Variants in STAT3 observed in about 807,000 individuals in gnomAD.
The protein encoded by STAT3 is signal transducer and activator of transcription 3.
A neutral mutation model predicts 114.3 loss-of-function variants in STAT3; 7 were observed. The ratio of observed to expected loss-of-function variants is 0.06; its 90% confidence interval spans 0.03 to 0.11. The LOEUF (loss-of-function observed/expected upper bound fraction) is 0.11, where lower values mean the gene tolerates loss of function less well. STAT3 is among the 10% of genes least tolerant of loss of function. The probability of loss-of-function intolerance (pLI) is 1.00; values close to 1 mark genes in which losing one functional copy is unlikely to be tolerated. For missense variants in STAT3, 364 were observed against 960.9 expected (o/e 0.38, Z 8.21); for synonymous variants, 331 against 354.5 (o/e 0.93, Z 0.74).
At chr17:42,384,681 A>T (rs1188857937) in intron 1 of STAT3, among the ~76,000 whole-genome samples, 1 of 151,706 alleles carries the variant, frequency 6.6e-6, no homozygotes, top group Non-Finnish European at 1.5e-5. Flanking sequence ...TAGTCTCACC[A>T]GTAGCTGGGA....
intron 1 of STAT3, among the ~76,000 whole-genome samples, chr17:42,365,898 C>T (rs1365288907): frequency 6.6e-6 from 1 of 152,066 alleles, no homozygotes; most frequent in African/African-American, 2.4e-5. Context: ...TTTTGATCTG[C>T]CCACCCCAGC....
rs190710939 is a variant in STAT3, at chr17:42,314,248, C to T, written c.*1497G>A. 33 of 233,064 alleles carry T rather than the reference C, an allele frequency of 1.4e-4. No homozygotes were observed. Among genetic ancestry groups the T allele is most frequent in the East Asian group, 1.4e-3 (23 of 16,584 alleles). 14.4% of individuals were successfully genotyped at this position (233,064 alleles called of 1,614,324 possible). A position where few individuals can be genotyped will look rare whatever the true frequency, so the allele number is the denominator to read the frequency against. Reference sequence around the variant, plus strand: ...TTGCCCTGCATGAACTGAATGAAGACGCCATTACAAGTGCCACTGGATATC... The same window carrying T: ...TTGCCCTGCATGAACTGAATGAAGATGCCATTACAAGTGCCACTGGATATC... On this transcript the variant is annotated 3_prime_UTR_variant, in exon 24 of 24. Transcript: ENST00000264657.
At chr17:42,322,647 G>A (rs919377423) in intron 20 of STAT3, among the ~76,000 whole-genome samples, 153 bp from the exon 21 acceptor site, 5 of 152,192 alleles carry the variant, frequency 3.3e-5, no homozygotes, top group African/African-American at 1.2e-4. Flanking sequence ...TGGCACTGTG[G>A]AAATATTCAG....
chr17:42,346,512 C>T (rs2082706791), intron 3 of STAT3, 57 bp downstream of exon 3: 6 of 1,611,968 alleles, frequency 3.7e-6, no homozygotes, highest in South Asian at 3.3e-5. Flanking sequence ...CAGGAAAGAA[C>T]ACTAACACCC....
chr17:42,317,307 A>G (rs2081292438), intron 21 of STAT3, 83 bp from the exon 22 acceptor site: 9 of 1,505,856 alleles, frequency 6.0e-6, no homozygotes, highest in South Asian at 3.5e-5. Context: ...CTGCCTCGGC[A>G]GGACTGATTT....
At chr17:42,354,227 T>C (rs1462362287) in intron 1 of STAT3, among the ~76,000 whole-genome samples, 6 of 144,604 alleles carry the variant, frequency 4.1e-5, no homozygotes, top group Admixed American at 3.5e-4. Context: ...TGGTGTGCAG[T>C]GGGGCGATCT....
At chr17:42,359,791 T>C (rs528465260) in intron 1 of STAT3, among the ~76,000 whole-genome samples, 2 of 152,256 alleles carry the variant, frequency 1.3e-5, no homozygotes, top group South Asian at 2.1e-4. Context: ...CCGGGTGCGG[T>C]GGCTCACGCC....
At chr17:42,331,556 GA>G (rs1304647193) in intron 10 of STAT3, 25 bp from the exon 11 acceptor site, 3 of 1,598,562 alleles carry the variant, frequency 1.9e-6, no homozygotes, top group Non-Finnish European at 2.6e-6. Context: ...AAAATCCAAG[GA>G]AAAAAAGTCA....
Position 42,326,209 on chromosome 17 carries a change from C to G in STAT3, c.1282-10G>C, listed in dbSNP as rs547178731. On this transcript the variant is annotated splice_polypyrimidine_tract_variant and intron_variant, in intron 14 of 23. Transcript: ENST00000264657. ...TCACAATCAGGGAAGCCTACAGTAA[C>G]GAGAAGGACACTCTTAGGCCAGGTG... is the stretch of plus-strand genomic sequence containing the variant. The G allele has an allele frequency of 6.2e-7, 1 of 1,613,180 alleles. No individual in the cohort carries two copies. Among genetic ancestry groups the G allele is most frequent in the East Asian group, 2.2e-5 (1 of 44,832 alleles).
At position 42,375,009 on chromosome 17, in the gene STAT3, G is replaced by A. The variant is rs566601549; in HGVS notation, c.-24+13270C>T. Among the ~76,000 whole-genome samples, 25 of 152,272 alleles carry A rather than the reference G, an allele frequency of 1.6e-4. No individual in the cohort carries two copies. In the South Asian group the frequency reaches 3.9e-3, roughly 24 times the overall value. On this transcript the variant is annotated intron_variant, in intron 1 of 23. Coordinates refer to ENST00000264657, the MANE Select transcript of STAT3 (RefSeq NM_139276.3). ...AAGTCAACACTTTTAAAACTTAAAG[G>A]CTATTCTTTACCAGAATCGTCTGTA...
rs113994137 is a variant in STAT3, at chr17:42,329,423, C to T, written c.1268G>A (p.Arg423Gln). The change falls in exon 14 of 24, where the codon CGA (arginine) becomes CAA (glutamine). Residue 423 changes from arginine to glutamine, a missense_variant. Around this residue, in one of 5 missense-constraint regions of STAT3, gnomAD observed 294 missense variants for 745.1 expected, o/e 0.39. Transcript: ENST00000264657. ...AACAAAACTTACATCACAATTGGCTCGGCCCCCATTCCCACATCTCTGCTC... is the reference window on the plus strand; with the variant it reads ...AACAAAACTTACATCACAATTGGCTTGGCCCCCATTCCCACATCTCTGCTC... ...LREQRCGNGGRANCDASLIVT... is the reference protein window; with the variant it reads ...LREQRCGNGGQANCDASLIVT... 1 of 1,613,978 alleles carries T rather than the reference C, an allele frequency of 6.2e-7. No individual in the cohort carries two copies. The highest frequency in any genetic ancestry group is 1.3e-5 in the African/African-American group (1 of 74,942).
chr17:42,367,496 T>C (rs2083870151), intron 1 of STAT3, among the ~76,000 whole-genome samples: 1 of 152,166 alleles, frequency 6.6e-6, no homozygotes, highest in Non-Finnish European at 1.5e-5. Flanking sequence ...TGCTCACAGC[T>C]GTCCCCTCTC....
At position 42,316,031 on chromosome 17, in the gene STAT3, T is replaced by A. The variant is rs143028761; in HGVS notation, c.2258-231A>T. 9,482 of 1,422,590 alleles carry A rather than the reference T, an allele frequency of 6.7e-3. 42 individuals are homozygous for A. The highest frequency in any genetic ancestry group is 8.0e-3 in the Non-Finnish European group (8,734 of 1,092,032). 88.1% of individuals were successfully genotyped at this position (1,422,590 alleles called of 1,614,324 possible). On this transcript the variant is annotated intron_variant, in intron 23 of 23. Coordinates refer to ENST00000264657, the MANE Select transcript of STAT3 (RefSeq NM_139276.3). Reference sequence around the variant, plus strand: ...CTTAACTGATTCCCAGAGCTCCATGTTTACAGAAGCTCTAAGGCTGTCCTG... The same window carrying A: ...CTTAACTGATTCCCAGAGCTCCATGATTACAGAAGCTCTAAGGCTGTCCTG...
chr17:42,316,129 T>C (rs978996255), intron 23 of STAT3: 10 of 1,280,990 alleles, frequency 7.8e-6, no homozygotes, highest in Non-Finnish European at 1.0e-5. Flanking sequence ...CATTTGAGAT[T>C]TGGTTTGTCC....
At chr17:42,384,163 C>G (rs2084962469) in intron 1 of STAT3, among the ~76,000 whole-genome samples, 2 of 144,274 alleles carry the variant, frequency 1.4e-5, no homozygotes, top group Non-Finnish European at 3.0e-5. Context: ...GAGTCTCGCT[C>G]TGTCGCCCAG....
intron 1 of STAT3, among the ~76,000 whole-genome samples, chr17:42,360,449 AGCCT>A: frequency 6.6e-6 from 1 of 151,998 alleles, no homozygotes; most frequent in Admixed American, 6.5e-5. Context: ...GTTCGAGACC[AGCCT>A]GACCAACATG....
At chr17:42,338,707 T>C in intron 6 of STAT3, 24 bp downstream of exon 6, 2 of 1,595,306 alleles carry the variant, frequency 1.3e-6, no homozygotes, top group Non-Finnish European at 1.7e-6. Flanking sequence ...TCTAGAGATT[T>C]TAACATCTCT....
chr17:42,370,262 T>C (rs1179193993), intron 1 of STAT3, among the ~76,000 whole-genome samples: 1 of 151,608 alleles, frequency 6.6e-6, no homozygotes, highest in East Asian at 1.9e-4. Flanking sequence ...TTTTTTTTTT[T>C]TGAGACAGAG....
At chr17:42,345,977 A>C (rs1480787249) in intron 3 of STAT3, among the ~76,000 whole-genome samples, 4 of 151,116 alleles carry the variant, frequency 2.6e-5, no homozygotes, top group African/African-American at 9.8e-5. Flanking sequence ...AGGCTCAAAC[A>C]ATTTTCTCAC....
Sources: allele counts gnomAD v4.1 joint callset (sites outside exome capture counted in the v4.1 genomes callset), GRCh38; gene constraint gnomAD v4.1.1; regional missense constraint gnomAD v4.1.1; transcripts MANE v1.5; gene names NCBI Gene and HGNC (gene_info 2026-07-23, HGNC 2026-07-21).